SHISA9: variants seen among roughly 807,000 people sequenced by gnomAD.
SHISA9 encodes shisa family member 9, also known as protein shisa-9.
In SHISA9, 13 loss-of-function variants were observed where a neutral mutation model predicts 38.0. That is an observed-to-expected ratio of 0.34 (90% CI 0.22 to 0.54). The LOEUF (loss-of-function observed/expected upper bound fraction) is 0.54, where lower values mean the gene tolerates loss of function less well. Among genes scored for constraint, SHISA9 ranks in the 20% least tolerant of loss-of-function variants. The pLI is 0.91. For missense variants in SHISA9, 538 were observed against 575.8 expected, an observed-to-expected ratio of 0.93 and a Z score of 0.67; for synonymous variants, 275 against 242.0, an observed-to-expected ratio of 1.14 and a Z score of -1.27.
rs79183056 is a variant in SHISA9 at position 13,205,928 on chromosome 16, AT to A, written c.847+2396del. On this transcript the variant is annotated intron_variant, in intron 3 of 4. Transcript: ENST00000558583. ...AGGCATGCACCACTATGCCTGGCTA[AT>A]TTTTTTTTTTTTTTTTAAGTAGAGA... is the stretch of plus-strand genomic sequence containing the variant. Among the ~76,000 whole-genome samples the A allele has an allele frequency of 5.1e-3, 711 of 139,696 alleles. 1 individual carries two copies. The highest frequency in any genetic ancestry group is 0.019 in the Middle Eastern group (5 of 270). 91.6% of individuals were successfully genotyped at this position (139,696 alleles called of 152,430 possible). A position where few individuals can be genotyped will look rare whatever the true frequency, so the allele number is the denominator to read the frequency against.
At chr16:13,270,570 C>A in the SHISA9 span, among the ~76,000 whole-genome samples, 1 of 152,040 alleles carries the variant, frequency 6.6e-6, no homozygotes, top group Non-Finnish European at 1.5e-5. Flanking sequence ...TGGAGAGAAG[C>A]CAACAAATTG....
intron 2 of SHISA9, among the ~76,000 whole-genome samples, chr16:13,015,477 T>C (rs1369193236): frequency 6.6e-6 from 1 of 152,266 alleles, no homozygotes; most frequent in Non-Finnish European, 1.5e-5. Context: ...TGGACTCCAG[T>C]CGGCATCTCC....
chr16:13,069,086 AT>A (rs1247982600), intron 2 of SHISA9, among the ~76,000 whole-genome samples: 2 of 150,422 alleles, frequency 1.3e-5, no homozygotes, highest in African/African-American at 4.9e-5. Context: ...TGTACATGCA[AT>A]GTGTATGTGT....
chr16:13,231,043 C>T (rs1372227142), intron 4 of SHISA9, among the ~76,000 whole-genome samples: 2 of 152,194 alleles, frequency 1.3e-5, no homozygotes, highest in Non-Finnish European at 2.9e-5. Context: ...CATCCTGTGA[C>T]TAAGAATGCC....
At chr16:13,356,347 C>G in the SHISA9 span, among the ~76,000 whole-genome samples, 4 of 152,096 alleles carry the variant, frequency 2.6e-5, no homozygotes, top group Non-Finnish European at 5.9e-5. Context: ...TGCTGCCAAA[C>G]AAGTCATGAA....
At chr16:13,323,029 A>G in the SHISA9 span, among the ~76,000 whole-genome samples, 7 of 152,164 alleles carry the variant, frequency 4.6e-5, no homozygotes, top group African/African-American at 1.7e-4. Context: ...TCTTCCTGCT[A>G]TGTCTGCTTA....
the SHISA9 span, among the ~76,000 whole-genome samples, chr16:13,560,159 C>T: frequency 1.3e-5 from 2 of 152,248 alleles, no homozygotes; most frequent in South Asian, 2.1e-4. Flanking sequence ...TCTCTTAGCT[C>T]GATTTGGTTT....
At chr16:13,487,252 G>C in the SHISA9 span, among the ~76,000 whole-genome samples, 1 of 152,180 alleles carries the variant, frequency 6.6e-6, no homozygotes. Flanking sequence ...ACATATCTCT[G>C]TGTGTTAGGC....
At chr16:12,912,821 C>T (rs974802179) in intron 1 of SHISA9, among the ~76,000 whole-genome samples, 2 of 152,184 alleles carry the variant, frequency 1.3e-5, no homozygotes, top group African/African-American at 2.4e-5. Flanking sequence ...CACCTTGTCA[C>T]GTGCCCCTGC....
the SHISA9 span, among the ~76,000 whole-genome samples, chr16:13,353,910 A>G: frequency 1.3e-5 from 2 of 152,150 alleles, no homozygotes; most frequent in Non-Finnish European, 2.9e-5. Flanking sequence ...ATCTGTTATG[A>G]GACTGTATTG....
chr16:13,266,977 G>A, the SHISA9 span, among the ~76,000 whole-genome samples: 1 of 152,104 alleles, frequency 6.6e-6, no homozygotes, highest in African/African-American at 2.4e-5. Flanking sequence ...GCTTAAAATT[G>A]TAAATAAAAA....
intron 3 of SHISA9, among the ~76,000 whole-genome samples, chr16:13,210,210 G>A (rs528055323): frequency 6.6e-6 from 1 of 152,218 alleles, no homozygotes; most frequent in South Asian, 2.1e-4. Context: ...ATTCCTGATG[G>A]GCTTTGCAAA....
chr16:13,194,354 A>G (rs1178830481), intron 2 of SHISA9, among the ~76,000 whole-genome samples: 1 of 152,248 alleles, frequency 6.6e-6, no homozygotes, highest in Non-Finnish European at 1.5e-5. Flanking sequence ...AGCAGCAATA[A>G]GGAAGTGCCT....
chr16:13,046,575 G>A, intron 2 of SHISA9, among the ~76,000 whole-genome samples: 1 of 152,186 alleles, frequency 6.6e-6, no homozygotes, highest in East Asian at 1.9e-4. Flanking sequence ...AGCAGGCAGG[G>A]CAAGTTTCAT....
At chr16:13,308,032 T>A in the SHISA9 span, among the ~76,000 whole-genome samples, 1 of 152,198 alleles carries the variant, frequency 6.6e-6, no homozygotes, top group South Asian at 2.1e-4. Context: ...TGTTCTTGCC[T>A]CATTCCACAT....
intron 2 of SHISA9, among the ~76,000 whole-genome samples, chr16:13,139,506 C>G (rs1323759540): frequency 1.3e-5 from 2 of 150,756 alleles, no homozygotes; most frequent in Non-Finnish European, 2.9e-5. Flanking sequence ...TCCCTTCATC[C>G]CTTCCTTTAC....
At chr16:12,988,889 CT>C (rs1457486804) in intron 2 of SHISA9, among the ~76,000 whole-genome samples, 5 of 152,252 alleles carry the variant, frequency 3.3e-5, no homozygotes, top group Admixed American at 6.5e-5. Flanking sequence ...TGAAATTCGC[CT>C]GTTGTAAGTA....
the SHISA9 span, among the ~76,000 whole-genome samples, chr16:13,478,130 C>T: frequency 6.6e-6 from 1 of 152,164 alleles, no homozygotes; most frequent in African/African-American, 2.4e-5. Flanking sequence ...GTTTCTTTAA[C>T]TGAAAAAGGA....
the SHISA9 span, among the ~76,000 whole-genome samples, chr16:13,506,865 T>C: frequency 6.6e-6 from 1 of 151,862 alleles, no homozygotes. Flanking sequence ...CAAGACCCCA[T>C]CTCTATTAAA....
Sources: allele counts gnomAD v4.1 joint callset (sites outside exome capture counted in the v4.1 genomes callset), GRCh38; gene constraint gnomAD v4.1.1; transcripts MANE v1.5; gene names NCBI Gene and HGNC (gene_info 2026-07-23, HGNC 2026-07-21).